Variants in LRMDA observed in about 807,000 individuals in gnomAD.
LRMDA encodes the protein leucine-rich melanocyte differentiation-associated protein.
LRMDA carries 18 observed loss-of-function variants against 29.8 expected under a neutral mutation model. The observed-to-expected ratio is 0.60, with a 90% CI of 0.42 to 0.90. The LOEUF is 0.90. LRMDA is among the 40% of genes least tolerant of loss of function. LRMDA has a pLI of 0.00. For synonymous variants in LRMDA, 125 were observed against 109.4 expected, an observed-to-expected ratio of 1.14 and a Z score of -0.89; for missense variants, 273 against 273.9, an observed-to-expected ratio of 1.00 and a Z score of 0.02.
intron 2 of LRMDA, among the ~76,000 whole-genome samples, chr10:75,971,525 A>G (rs1254066638): frequency 1.3e-5 from 2 of 152,154 alleles, no homozygotes; most frequent in Non-Finnish European, 2.9e-5. Flanking sequence ...ATTGTATTTC[A>G]TGTGGTATAT....
intron 6 of LRMDA, among the ~76,000 whole-genome samples, chr10:76,409,523 C>T (rs914669387): frequency 3.3e-5 from 5 of 152,114 alleles, no homozygotes; most frequent in East Asian, 3.9e-4. Flanking sequence ...AATTCTGATA[C>T]CCACAATCCA....
At chr10:75,613,410 G>A (rs1286788692) in intron 2 of LRMDA, among the ~76,000 whole-genome samples, 2 of 152,178 alleles carry the variant, frequency 1.3e-5, no homozygotes, top group Non-Finnish European at 2.9e-5. Context: ...GGATGGAGGG[G>A]AACATTGTTG....
intron 2 of LRMDA, among the ~76,000 whole-genome samples, chr10:75,717,459 G>A (rs181875246): frequency 2.6e-5 from 4 of 152,320 alleles, no homozygotes; most frequent in Admixed American, 1.3e-4. Context: ...TAATGGCACG[G>A]CCCTTATTGC....
chr10:76,163,396 C>A (rs1850682378), intron 5 of LRMDA, among the ~76,000 whole-genome samples: 1 of 152,042 alleles, frequency 6.6e-6, no homozygotes, highest in South Asian at 2.1e-4. Flanking sequence ...ACATGAGTCC[C>A]AGGCAGTCAC....
At position 76,418,690 on chromosome 10, in the gene LRMDA, A is replaced by AT. The variant is rs558690482; in HGVS notation, c.601+94209dup. Among the ~76,000 whole-genome samples the AT allele has an allele frequency of 2.6e-3, 388 of 152,078 alleles. 1 individual carries two copies. The highest frequency in any genetic ancestry group is 8.8e-3 in the African/African-American group (365 of 41,540). ...TGGTCTTGAAAGATACCCTTGTCTC[A>AT]TTTTCAATCTCAGCTTTTAATTTTA... is the stretch of plus-strand genomic sequence containing the variant. On this transcript the variant is annotated intron_variant, in intron 6 of 6. Transcript: ENST00000611255.
intron 2 of LRMDA, among the ~76,000 whole-genome samples, chr10:75,885,477 T>C (rs1845371713): frequency 6.6e-6 from 1 of 152,330 alleles, no homozygotes; most frequent in East Asian, 1.9e-4. Flanking sequence ...AAGCATGACA[T>C]GTTCTGTAAC....
At chr10:75,721,189 A>G (rs1263955655) in intron 2 of LRMDA, among the ~76,000 whole-genome samples, 5 of 152,190 alleles carry the variant, frequency 3.3e-5, no homozygotes, top group Admixed American at 3.3e-4. Flanking sequence ...TTTCAAAGCC[A>G]TCCAAGCTCT....
intron 5 of LRMDA, among the ~76,000 whole-genome samples, chr10:76,061,917 C>T (rs1239620944): frequency 6.6e-6 from 1 of 152,138 alleles, no homozygotes; most frequent in Non-Finnish European, 1.5e-5. Context: ...AGAAAGACGC[C>T]AAATGAGCTC....
intron 5 of LRMDA, among the ~76,000 whole-genome samples, chr10:76,224,050 G>T (rs1851902299): frequency 6.6e-6 from 1 of 152,128 alleles, no homozygotes; most frequent in Non-Finnish European, 1.5e-5. Context: ...TTGGGAAGTT[G>T]TGGCTGTGCC....
chr10:76,462,204 A>G, intron 6 of LRMDA, among the ~76,000 whole-genome samples: 1 of 150,110 alleles, frequency 6.7e-6, no homozygotes, highest in African/African-American at 2.4e-5. Flanking sequence ...CAGAATCTGC[A>G]TTTTTTTTTT....
At chr10:76,402,743 CA>C (rs1193886435) in intron 6 of LRMDA, among the ~76,000 whole-genome samples, 36 of 152,294 alleles carry the variant, frequency 2.4e-4, no homozygotes, top group African/African-American at 7.9e-4. Context: ...CCAGTATTTT[CA>C]CACCTAAGAA....
In LRMDA at chr10:76,500,774, T is replaced by G. The variant is rs1314308391; in HGVS notation, c.602-56435T>G. Among the ~76,000 whole-genome samples, 4 of 75,568 alleles carry G rather than the reference T, an allele frequency of 5.3e-5. 1 individual carries two copies. The highest frequency in any genetic ancestry group is 9.6e-5 in the African/African-American group (3 of 31,102). 49.6% of individuals were successfully genotyped at this position (75,568 alleles called of 152,430 possible). On this transcript the variant is annotated intron_variant, in intron 6 of 6. Coordinates refer to ENST00000611255, the MANE Select transcript of LRMDA (RefSeq NM_001305581.2). The stretch of plus-strand genomic sequence containing the variant: ...TTCTTTGGTGAATTGTCTCTTTGTA[T>G]GCAAAATATAATTTTTTAATTATAA...
At chr10:75,942,213 T>G (rs1305825144) in intron 2 of LRMDA, among the ~76,000 whole-genome samples, 2 of 151,946 alleles carry the variant, frequency 1.3e-5, no homozygotes, top group East Asian at 3.9e-4. Context: ...ACAAATGTGG[T>G]GATGTGTTTG....
chr10:76,154,551 A>G (rs1405353882), intron 5 of LRMDA, among the ~76,000 whole-genome samples: 2 of 152,230 alleles, frequency 1.3e-5, no homozygotes, highest in Non-Finnish European at 2.9e-5. Context: ...CACATGCCAT[A>G]TGGAATCAGT....
At chr10:75,751,260 C>G (rs1311949107) in intron 2 of LRMDA, among the ~76,000 whole-genome samples, 1 of 151,690 alleles carries the variant, frequency 6.6e-6, no homozygotes, top group African/African-American at 2.4e-5. Flanking sequence ...GCCGAGATGG[C>G]GGCAGCACAG....
chr10:75,913,645 C>A (rs1254510927), intron 2 of LRMDA, among the ~76,000 whole-genome samples: 2 of 152,298 alleles, frequency 1.3e-5, no homozygotes, highest in East Asian at 3.9e-4. Flanking sequence ...GTTTCCCTCA[C>A]CTCTTTTCGT....
chr10:76,153,040 C>T (rs759479410), intron 5 of LRMDA, among the ~76,000 whole-genome samples: 3 of 152,074 alleles, frequency 2.0e-5, no homozygotes, highest in Non-Finnish European at 4.4e-5. Context: ...GGGGTTTCAC[C>T]ATGTTGGTCA....
chr10:76,012,247 T>C (rs773606491), intron 2 of LRMDA, among the ~76,000 whole-genome samples: 73 of 152,192 alleles, frequency 4.8e-4, no homozygotes, highest in Non-Finnish European at 7.5e-4. Context: ...CAACCAGAGT[T>C]TTCAGCCACT....
At chr10:75,551,865 C>T (rs1828098787) in intron 2 of LRMDA, among the ~76,000 whole-genome samples, 1 of 151,502 alleles carries the variant, frequency 6.6e-6, no homozygotes, top group Admixed American at 6.6e-5. Flanking sequence ...ATAGTGAGAC[C>T]CATTCTCTAC....
Sources: gnomAD v4.1 joint callset for allele counts (sites outside exome capture counted in the v4.1 genomes callset) on GRCh38, gnomAD v4.1.1 for gene constraint, MANE v1.5 for transcripts, NCBI Gene and HGNC (gene_info 2026-07-23, HGNC 2026-07-21) for gene names.